The following DAB1 variants were observed in gnomAD, a reference collection of about 807,000 sequenced individuals.
The protein encoded by DAB1 is disabled homolog 1.
In DAB1, 15 loss-of-function variants were observed where a neutral mutation model predicts 64.6. The observed-to-expected ratio is 0.23, with a 90% CI of 0.16 to 0.36. The LOEUF (loss-of-function observed/expected upper bound fraction) is 0.36, where lower values mean the gene tolerates loss of function less well. Ranked by LOEUF, DAB1 falls within the 10% of genes least tolerant of loss-of-function variation. The pLI is 1.00. For missense variants in DAB1, 596 were observed against 706.7 expected (o/e 0.84, Z 1.78); for synonymous variants, 235 against 251.9 (o/e 0.93, Z 0.64).
chr1:57,439,419 T>TTTTTTTTTTTTGTTTTTTTTTG (rs1558381247), intron 7 of DAB1, among the ~76,000 whole-genome samples: 9 of 114,358 alleles, frequency 7.9e-5, no homozygotes, highest in Middle Eastern at 4.1e-3. Context: ...GGTGATGAGG[T>TTTTTTTTTTTTGTTTTTTTTTG]TTTTTCTTTT....
At chr1:57,144,259 T>C (rs1305375605) in intron 3 of DAB1, among the ~76,000 whole-genome samples, 1 of 152,134 alleles carries the variant, frequency 6.6e-6, no homozygotes, top group African/African-American at 2.4e-5. Context: ...ATTTGTATAC[T>C]TCTTGCTAAA....
At chr1:57,156,483 G>A (rs1461040908) in intron 2 of DAB1, among the ~76,000 whole-genome samples, 1 of 152,140 alleles carries the variant, frequency 6.6e-6, no homozygotes, top group South Asian at 2.1e-4. Context: ...GAGCAGACCT[G>A]CGGTGTCCAG....
chr1:57,071,350 A>T, intron 6 of DAB1, 172 bp downstream of exon 6: 2 of 775,442 alleles, frequency 2.6e-6, no homozygotes, highest in East Asian at 2.7e-5. Flanking sequence ...AGAGTTTAAG[A>T]GAATAAGGAA....
At chr1:57,892,151 C>T (rs983528330) in intron 5 of DAB1, among the ~76,000 whole-genome samples, 1 of 152,010 alleles carries the variant, frequency 6.6e-6, no homozygotes, top group South Asian at 2.1e-4. Context: ...TAGTAGACAT[C>T]TATGAGGTTA....
At chr1:57,786,862 T>C (rs986659410) in intron 6 of DAB1, among the ~76,000 whole-genome samples, 10 of 152,258 alleles carry the variant, frequency 6.6e-5, no homozygotes, top group Admixed American at 2.0e-4. Flanking sequence ...GGATTCTGGG[T>C]AAAATTCTGT....
chr1:57,235,717 A>AAC (rs1203184378), intron 2 of DAB1, among the ~76,000 whole-genome samples: 1 of 151,732 alleles, frequency 6.6e-6, no homozygotes, highest in Non-Finnish European at 1.5e-5. Context: ...TAAAAAAGAA[A>AAC]AAAAAACAAG....
chr1:57,069,264 G>A, intron 8 of DAB1, 96 bp downstream of exon 8: 1 of 1,028,500 alleles, frequency 9.7e-7, no homozygotes, highest in Non-Finnish European at 1.5e-6. Context: ...AACAAGCCAG[G>A]AATGACCAAC....
chr1:57,363,212 G>A (rs1288971220), intron 1 of DAB1, among the ~76,000 whole-genome samples: 1 of 152,108 alleles, frequency 6.6e-6, no homozygotes, highest in Non-Finnish European at 1.5e-5. Context: ...CACCTAAGTC[G>A]GTGGTTCTTA....
At chr1:57,962,430 G>A (rs1010317841) in intron 5 of DAB1, among the ~76,000 whole-genome samples, 8 of 152,012 alleles carry the variant, frequency 5.3e-5, no homozygotes, top group African/African-American at 1.7e-4. Context: ...ACTAGGTACT[G>A]ACATCCTCCT....
In DAB1 at chr1:58,022,842, C is replaced by T. The variant is rs575260546; in HGVS notation, n.387+127669G>A. Among the ~76,000 whole-genome samples the T allele has an allele frequency of 7.9e-5, 12 of 152,206 alleles. No homozygotes were observed. In the South Asian group the frequency reaches 1.0e-3, roughly 13 times the overall value. On this transcript the variant is annotated intron_variant and non_coding_transcript_variant, in intron 5 of 20. Transcript: ENST00000485760. Reference sequence around the variant, plus strand: ...ACTGTATTACCTTCATCATCATCACCGCCAACAATCCCATCATCATTCATT... The same window carrying T: ...ACTGTATTACCTTCATCATCATCACTGCCAACAATCCCATCATCATTCATT...
chr1:58,080,010 G>T (rs1649898444), intron 5 of DAB1: 1 of 152,172 alleles, frequency 6.6e-6, no homozygotes, highest in Admixed American at 6.5e-5. Flanking sequence ...CTGTTTTTCA[G>T]GTCCTGGAAA....
At chr1:57,991,870 G>T (rs1448959182) in intron 5 of DAB1, among the ~76,000 whole-genome samples, 2 of 36,648 alleles carry the variant, frequency 5.5e-5, no homozygotes, top group Admixed American at 5.0e-4. Context: ...AAAAAAAAAA[G>T]GAGTAGGCCA....
At chr1:58,323,924 CAAA>C (rs11432020) in intron 4 of DAB1, among the ~76,000 whole-genome samples, 5 of 80,100 alleles carry the variant, frequency 6.2e-5, no homozygotes, top group Non-Finnish European at 7.8e-5. Flanking sequence ...GACTCCATCT[CAAA>C]AAAAAAAAAA....
intron 2 of DAB1, among the ~76,000 whole-genome samples, chr1:58,507,963 G>C (rs991187017): frequency 3.3e-5 from 5 of 152,128 alleles, no homozygotes; most frequent in African/African-American, 1.2e-4. Flanking sequence ...TATCTAACAT[G>C]AAGTTTGTCT....
chr1:57,085,666 C>T (rs1652996675), intron 4 of DAB1, among the ~76,000 whole-genome samples: 1 of 152,216 alleles, frequency 6.6e-6, no homozygotes, highest in South Asian at 2.1e-4. Context: ...ATGATCCCTT[C>T]ATGTGTATAA....
intron 3 of DAB1, among the ~76,000 whole-genome samples, chr1:58,489,927 C>T (rs1645648604): frequency 6.6e-6 from 1 of 152,166 alleles, no homozygotes; most frequent in South Asian, 2.1e-4. Context: ...ACATCCACAC[C>T]AAAACCCCAT....
chr1:58,054,006 G>A (rs1292156225), intron 5 of DAB1, among the ~76,000 whole-genome samples: 9 of 152,220 alleles, frequency 5.9e-5, no homozygotes, highest in Admixed American at 5.9e-4. Context: ...CAAGAGGGAA[G>A]AAGTTAGAAA....
Position 57,250,337 on chromosome 1 carries a change from C to T in DAB1, c.67+40627G>A, listed in dbSNP as rs186039858. 7.9e-5 allele frequency among the ~76,000 whole-genome samples: 12 copies of T among 152,138 alleles called. No homozygotes were observed. In the South Asian group the frequency reaches 1.5e-3, roughly 18 times the overall value. ...ATAATTATTTATGTCACTAATGTTT[C>T]AATATCTTTGTATGTATTCAGGTTA... On this transcript the variant is annotated intron_variant, in intron 2 of 14. Transcript: ENST00000371236.
chr1:57,362,273 T>C (rs930968666), intron 1 of DAB1, among the ~76,000 whole-genome samples: 5 of 152,130 alleles, frequency 3.3e-5, no homozygotes, highest in African/African-American at 9.7e-5. Context: ...GATTAAGCCA[T>C]GTGGAGTCCT....
Sources: allele counts gnomAD v4.1 joint callset (sites outside exome capture counted in the v4.1 genomes callset), GRCh38; gene constraint gnomAD v4.1.1; transcripts MANE v1.5; gene names NCBI Gene and HGNC (gene_info 2026-07-23, HGNC 2026-07-21).